Variants in TULP2 observed in about 807,000 individuals in gnomAD.
The protein encoded by TULP2 is tubby-related protein 2.
Under a neutral mutation model 60.3 loss-of-function variants are expected in TULP2, and 64 were observed. That is an observed-to-expected ratio of 1.06 (90% confidence interval 0.87 to 1.31). TULP2 has a LOEUF of 1.31. Ranked by LOEUF, TULP2 falls within the 50% of genes most tolerant of loss-of-function variation. The pLI is 0.00. For synonymous variants in TULP2, 267 were observed against 265.4 expected (o/e 1.01, Z -0.06); for missense variants, 652 against 667.0 (o/e 0.98, Z 0.25).
At chr19:48,892,665 G>A (rs1433183746) in intron 6 of TULP2, among the ~76,000 whole-genome samples, 4 of 151,738 alleles carry the variant, frequency 2.6e-5, no homozygotes, top group African/African-American at 7.3e-5. Flanking sequence ...CACCGCAACC[G>A]GCTAATTTTT....
In TULP2 at chr19:48,884,908, CTTTTTT is replaced by C. The variant is rs745788084; in HGVS notation, c.1061+534_1061+539del. ...ATTTAAAGGGCCCTTTAGGAACCCT[CTTTTTT>C]TTTTTTTTTTTTTTTTTTTTCTGTT... On this transcript the variant is annotated intron_variant, in intron 9 of 12. Transcript: ENST00000221399. 8.3e-4 allele frequency among the ~76,000 whole-genome samples: 81 copies of C among 97,366 alleles called. 1 individual carries two copies. The East Asian group carries it at 0.011, about 13-fold the overall frequency. 63.9% of individuals were successfully genotyped at this position (97,366 alleles called of 152,430 possible). A position where few individuals can be genotyped will look rare whatever the true frequency, so the allele number is the denominator to read the frequency against.
At chr19:48,883,567 T>C (rs921825575) in intron 11 of TULP2, among the ~76,000 whole-genome samples, 187 bp downstream of exon 11, 6 of 152,080 alleles carry the variant, frequency 3.9e-5, no homozygotes, top group Non-Finnish European at 8.8e-5. Context: ...CAGATGCAAA[T>C]GTTTTGAGTC....
At position 48,895,130 on chromosome 19, in the gene TULP2, A is replaced by G; in HGVS notation, c.382T>C (p.Leu128=). Residue 128 remains leucine, a synonymous_variant, in exon 6 of 13, where the codon TTA becomes CTA. Transcript: ENST00000221399. ...TCGGAATTGTCTGGGAGCCAGGATA[A>G]GAAAGGGGACTGGAGACCGAGATTC... is the stretch of plus-strand genomic sequence containing the variant. The part of the protein sequence containing the change: ...FRNLGLQSPF[L]SWLPDNSDAE... 1 of 1,614,066 alleles carries G rather than the reference A, an allele frequency of 6.2e-7. No homozygotes were observed. Among genetic ancestry groups the G allele is most frequent in the Non-Finnish European group, 8.5e-7 (1 of 1,180,010 alleles).
chr19:48,895,347 T>C lies in TULP2; in HGVS notation c.349+19A>G, dbSNP rs148229512. Reference sequence around the variant, plus strand: ...GGACGGAGTTCTGGGGTCTAGGAGGTCGGTGGACTCGCAAATACCTGCTTC... The same window carrying C: ...GGACGGAGTTCTGGGGTCTAGGAGGCCGGTGGACTCGCAAATACCTGCTTC... On this transcript the variant is annotated intron_variant, in intron 5 of 12. Transcript: ENST00000221399. 5.0e-6 allele frequency: 8 copies of C among 1,611,852 alleles called. No homozygotes were observed. The highest frequency in any genetic ancestry group is 6.8e-6 in the Non-Finnish European group (8 of 1,178,680).
chr19:48,896,769 C>A, intron 3 of TULP2: 1 of 512,470 alleles, frequency 2.0e-6, no homozygotes, highest in Non-Finnish European at 3.3e-6. Context: ...CCTGTCCTCT[C>A]ATCCCCCAGG....
intron 6 of TULP2, among the ~76,000 whole-genome samples, chr19:48,894,553 A>G (rs1369162457): frequency 1.3e-5 from 2 of 152,114 alleles, no homozygotes; most frequent in Non-Finnish European, 2.9e-5. Flanking sequence ...AGGCAGGAGA[A>G]TAGCTTGAAC....
At chr19:48,894,280 G>T (rs2037258768) in intron 6 of TULP2, among the ~76,000 whole-genome samples, 1 of 151,632 alleles carries the variant, frequency 6.6e-6, no homozygotes, top group Non-Finnish European at 1.5e-5. Flanking sequence ...TGACCAACCA[G>T]CCTCAGCCTC....
intron 6 of TULP2, among the ~76,000 whole-genome samples, chr19:48,893,227 G>A (rs907857776): frequency 6.6e-6 from 1 of 151,936 alleles, no homozygotes; most frequent in Admixed American, 6.6e-5. Context: ...AAAATTAGCC[G>A]AGCATGGTGG....
chr19:48,886,452 C>A (rs1333181370), intron 8 of TULP2, among the ~76,000 whole-genome samples: 1 of 152,042 alleles, frequency 6.6e-6, no homozygotes, highest in Non-Finnish European at 1.5e-5. Flanking sequence ...AAGGGTCTGG[C>A]TTTGGAGAAT....
intron 6 of TULP2, among the ~76,000 whole-genome samples, chr19:48,892,206 C>G (rs1256062458): frequency 1.3e-5 from 2 of 152,244 alleles, no homozygotes; most frequent in Admixed American, 6.5e-5. Flanking sequence ...AGGTCTTTCC[C>G]TTCCCACGAG....
intron 12 of TULP2, 67 bp from the exon 13 acceptor site, chr19:48,881,193 CTTTTTTTTTTTTTTTTTCTTTTTT>C: frequency 3.4e-6 from 1 of 293,946 alleles, no homozygotes; most frequent in Non-Finnish European, 5.7e-6. Context: ...AGAACTGAGA[CTTTTTTTTTTTTTTTTTCTTTTTT>C]TTTTTTTTTT....
At chr19:48,886,026 G>A (rs552770096) in intron 8 of TULP2, among the ~76,000 whole-genome samples, 22 of 152,204 alleles carry the variant, frequency 1.4e-4, no homozygotes, top group African/African-American at 4.8e-4. Flanking sequence ...TTACTGGGAG[G>A]CCGGGCACAG....
chr19:48,884,440 T>C (rs1027929969), intron 9 of TULP2, among the ~76,000 whole-genome samples: 1 of 149,122 alleles, frequency 6.7e-6, no homozygotes, highest in Admixed American at 6.7e-5. Context: ...TGAAACCCTG[T>C]CTCTAAATAA....
At position 48,882,133 on chromosome 19, in the gene TULP2, G is replaced by A. The variant is rs1372303504; in HGVS notation, c.1346C>T (p.Thr449Ile). ...KQGLLLLHNK[T>I]PSWDKENGVY... ...ACCGTTCTCCTTGTCCCACGACGGG[G>A]TTTTGTTGTGCAACAAAAGCAACCC... The change falls in exon 12 of 13, where the codon ACC becomes ATC. Residue 449 changes from threonine to isoleucine, a missense_variant. Transcript: ENST00000221399. The A allele has an allele frequency of 6.2e-7, 1 of 1,613,170 alleles. No homozygotes were observed. The highest frequency in any genetic ancestry group is 8.5e-7 in the Non-Finnish European group (1 of 1,179,686).
intron 6 of TULP2, among the ~76,000 whole-genome samples, chr19:48,894,668 T>G (rs571772403): frequency 6.6e-6 from 1 of 152,196 alleles, no homozygotes; most frequent in South Asian, 2.1e-4. Flanking sequence ...ATATTTACAT[T>G]GCATTTATAC....
At position 48,896,416 on chromosome 19, in the gene TULP2, G is replaced by C; in HGVS notation, c.211+14C>G. The C allele has an allele frequency of 6.3e-7, 1 of 1,594,578 alleles. No individual in the cohort carries two copies. Among genetic ancestry groups the C allele is most frequent in the Non-Finnish European group, 8.5e-7 (1 of 1,173,748 alleles). ...CTCCCCTCCAGGCGAACGCCCCCAGGGGTCTTTGGTCACCTCTGTCACCTA... is the reference window on the plus strand; with the variant it reads ...CTCCCCTCCAGGCGAACGCCCCCAGCGGTCTTTGGTCACCTCTGTCACCTA... On this transcript the variant is annotated intron_variant, in intron 4 of 12. Coordinates refer to ENST00000221399, the MANE Select transcript of TULP2 (RefSeq NM_003323.3).
At chr19:48,889,404 G>T in intron 7 of TULP2, 106 bp downstream of exon 7, 1 of 1,481,008 alleles carries the variant, frequency 6.8e-7, no homozygotes, top group Non-Finnish European at 9.0e-7. Flanking sequence ...TCACCACCAG[G>T]AAAAAGAGCT....
chr19:48,889,367 C>G, intron 7 of TULP2, 143 bp downstream of exon 7: 1 of 1,387,766 alleles, frequency 7.2e-7, no homozygotes, highest in Non-Finnish European at 9.6e-7. Context: ...CGCACGCACG[C>G]ACACACACAA....
chr19:48,896,313 C>G (rs2037280611), intron 4 of TULP2, 117 bp downstream of exon 4: 2 of 1,380,674 alleles, frequency 1.4e-6, no homozygotes, highest in African/African-American at 1.5e-5. Context: ...AAGGCCCGCC[C>G]CCATCCACTG....
Sources: gnomAD v4.1 joint callset for allele counts (sites outside exome capture counted in the v4.1 genomes callset) on GRCh38, gnomAD v4.1.1 for gene constraint, MANE v1.5 for transcripts, NCBI Gene and HGNC (gene_info 2026-07-23, HGNC 2026-07-21) for gene names.